The following LTBP1 variants were observed in gnomAD, a reference collection of about 807,000 sequenced individuals.
The protein encoded by LTBP1 is latent transforming growth factor beta binding protein 1.
LTBP1 carries 129 observed loss-of-function variants against 207.6 expected under a neutral mutation model. The observed-to-expected ratio is 0.62, with a 90% CI of 0.54 to 0.72. The LOEUF (loss-of-function observed/expected upper bound fraction) is 0.72, where lower values mean the gene tolerates loss of function less well. Among genes scored for constraint, LTBP1 ranks in the 30% least tolerant of loss-of-function variants. The pLI is 0.00. For synonymous variants in LTBP1, 963 were observed against 833.7 expected (o/e 1.16, Z -2.67); for missense variants, 2,281 against 2,217.2 (o/e 1.03, Z -0.58).
chr2:33,014,521 G>A (rs559216689), intron 2 of LTBP1, among the ~76,000 whole-genome samples: 1 of 152,314 alleles, frequency 6.6e-6, no homozygotes, highest in Admixed American at 6.5e-5. Context: ...GACACAGTTA[G>A]ACTCACATTT....
intron 3 of LTBP1, among the ~76,000 whole-genome samples, chr2:33,074,305 T>G (rs1273552162): frequency 1.3e-5 from 2 of 152,248 alleles, no homozygotes; most frequent in East Asian, 3.8e-4. Flanking sequence ...GCCACCATTT[T>G]CTTCTCATCA....
At chr2:33,290,177 C>G (rs1010350980) in intron 19 of LTBP1, among the ~76,000 whole-genome samples, 2 of 152,202 alleles carry the variant, frequency 1.3e-5, no homozygotes, top group African/African-American at 4.8e-5. Context: ...TTCATTCCCA[C>G]GAGAACTAAC....
chr2:33,204,693 C>T (rs1259183624), intron 7 of LTBP1, among the ~76,000 whole-genome samples: 1 of 152,174 alleles, frequency 6.6e-6, no homozygotes, highest in African/African-American at 2.4e-5. Context: ...GATCCTCCTG[C>T]CTCAGCCTCC....
chr2:33,079,133 G>T (rs62133311), intron 3 of LTBP1, among the ~76,000 whole-genome samples: 3 of 151,720 alleles, frequency 2.0e-5, no homozygotes, highest in African/African-American at 7.3e-5. Context: ...CATATATTCC[G>T]ACCAGTGTTG....
intron 22 of LTBP1, among the ~76,000 whole-genome samples, chr2:33,306,430 C>T (rs1479310239): frequency 1.3e-5 from 2 of 151,908 alleles, no homozygotes; most frequent in Admixed American, 6.6e-5. Flanking sequence ...ATTAGCCGGC[C>T]GTGGTGGCAG....
rs748119416 is a variant in LTBP1, at chr2:33,188,952, G to A, written c.1701+101G>A. 5 of 1,371,070 alleles carry A rather than the reference G, an allele frequency of 3.6e-6. No homozygotes were observed. In the African/African-American group the frequency reaches 7.3e-5, roughly 20 times the overall value. 84.9% of individuals were successfully genotyped at this position (1,371,070 alleles called of 1,614,324 possible). A position where few individuals can be genotyped will look rare whatever the true frequency, so the allele number is the denominator to read the frequency against. On this transcript the variant is annotated intron_variant, in intron 7 of 33. Coordinates refer to ENST00000404816, the MANE Select transcript of LTBP1 (RefSeq NM_206943.4). ...ATAAAAATGCTTTTTTAAAAAAAAG[G>A]CTTTGACAAACTATGACTTGTGGCC...
chr2:33,089,989 G>A (rs1038957287), intron 3 of LTBP1, among the ~76,000 whole-genome samples: 5 of 152,220 alleles, frequency 3.3e-5, no homozygotes, highest in African/African-American at 7.2e-5. Context: ...TACATTTGAT[G>A]AGTTTGCTGA....
chr2:33,313,556 T>C (rs745408310), intron 23 of LTBP1, among the ~76,000 whole-genome samples: 1 of 152,178 alleles, frequency 6.6e-6, no homozygotes, highest in Non-Finnish European at 1.5e-5. Flanking sequence ...TGGGTTCCTG[T>C]ACTGAAGACC....
At chr2:33,347,298 CAGCTGGTAAAATAGAG>C in intron 25 of LTBP1, 53 bp from the exon 26 acceptor site, 1 of 1,585,434 alleles carries the variant, frequency 6.3e-7, no homozygotes, top group Non-Finnish European at 8.7e-7. Flanking sequence ...AGCCCTGGCA[CAGCTGGTAAAATAGAG>C]AGCTGTCGTG....
intron 24 of LTBP1, among the ~76,000 whole-genome samples, chr2:33,338,181 C>T (rs183820949): frequency 5.1e-4 from 77 of 152,186 alleles, no homozygotes; most frequent in East Asian, 2.1e-3. Flanking sequence ...AGGCATTCCA[C>T]GTTATTTTTT....
intron 3 of LTBP1, among the ~76,000 whole-genome samples, chr2:33,084,385 G>A (rs988558338): frequency 6.6e-6 from 1 of 152,188 alleles, no homozygotes; most frequent in African/African-American, 2.4e-5. Context: ...GGTTCTGGGG[G>A]TTGGGAAGGT....
At position 33,301,887 on chromosome 2, in the gene LTBP1, G is replaced by A. The variant is rs575142620; in HGVS notation, c.3481+243G>A. Reference sequence around the variant, plus strand: ...GCCAGCCAAAGGCATAAAAGAATCAGTTTAACTTTACCAGCTATAGATGGT... The same window carrying A: ...GCCAGCCAAAGGCATAAAAGAATCAATTTAACTTTACCAGCTATAGATGGT... On this transcript the variant is annotated intron_variant, in intron 22 of 33. Transcript: ENST00000404816. 2.0e-5 allele frequency among the ~76,000 whole-genome samples: 3 copies of A among 152,290 alleles called. No individual in the cohort carries two copies. The South Asian group carries it at 6.2e-4, about 32-fold the overall frequency.
chr2:33,216,155 A>G (rs2090681399), intron 7 of LTBP1, among the ~76,000 whole-genome samples: 1 of 152,348 alleles, frequency 6.6e-6, no homozygotes, highest in Middle Eastern at 3.4e-3. Flanking sequence ...GAATATAAAC[A>G]TAAGATACAT....
chr2:33,135,496 A>G (rs932499492), intron 5 of LTBP1, among the ~76,000 whole-genome samples: 1 of 152,216 alleles, frequency 6.6e-6, no homozygotes, highest in Non-Finnish European at 1.5e-5. Context: ...TCCGTCTCAC[A>G]AGACTGAATA....
intron 2 of LTBP1, among the ~76,000 whole-genome samples, chr2:33,010,663 TA>T (rs961130783): frequency 4.0e-5 from 6 of 151,584 alleles, no homozygotes; most frequent in Non-Finnish European, 8.8e-5. Context: ...ATGTATCAAT[TA>T]AAAAAAGTTT....
intron 17 of LTBP1, 103 bp from the exon 18 acceptor site, chr2:33,275,698 A>T (rs2093411608): frequency 1.4e-6 from 2 of 1,451,522 alleles, no homozygotes; most frequent in Non-Finnish European, 9.6e-7. Flanking sequence ...AAAAAAAAGA[A>T]ATCAGTTACT....
chr2:33,372,195 G>A (rs1330380419), intron 31 of LTBP1, among the ~76,000 whole-genome samples: 1 of 152,122 alleles, frequency 6.6e-6, no homozygotes, highest in African/African-American at 2.4e-5. Flanking sequence ...TCAAATCCAG[G>A]CACCCTTGCT....
intron 7 of LTBP1, among the ~76,000 whole-genome samples, chr2:33,195,638 G>A (rs2088458423): frequency 6.6e-6 from 1 of 152,198 alleles, no homozygotes; most frequent in African/African-American, 2.4e-5. Flanking sequence ...GACTCCTGGT[G>A]TAGATGCTGT....
Position 33,293,244 on chromosome 2 carries a change from A to G in LTBP1, c.3197A>G (p.Lys1066Arg). The change falls in exon 20 of 34, where the codon AAA (lysine) becomes AGA (arginine). Residue 1066 changes from lysine (K) to arginine (R), a missense_variant. By Grantham distance (26) the Lys-to-Arg change is conservative. Coordinates refer to ENST00000404816, the MANE Select transcript of LTBP1 (RefSeq NM_206943.4). ...GGCTCCTACATGTGTTCATGCCACA[A>G]AGGCTATACCCGGACTCCGGACCAC... ...LEGSYMCSCHKGYTRTPDHKH... is the reference protein window; with the variant it reads ...LEGSYMCSCHRGYTRTPDHKH... The G allele has an allele frequency of 6.2e-7, 1 of 1,614,128 alleles. No individual in the cohort carries two copies. Among genetic ancestry groups the G allele is most frequent in the Non-Finnish European group, 8.5e-7 (1 of 1,179,998 alleles).
Sources: allele counts gnomAD v4.1 joint callset (sites outside exome capture counted in the v4.1 genomes callset), GRCh38; gene constraint gnomAD v4.1.1; transcripts MANE v1.5; gene names NCBI Gene and HGNC (gene_info 2026-07-23, HGNC 2026-07-21).